Variants in LRRC4C observed in about 807,000 individuals in gnomAD.
LRRC4C encodes leucine-rich repeat-containing protein 4C.
Under a neutral mutation model 33.6 loss-of-function variants are expected in LRRC4C, and 5 were observed. That is an observed-to-expected ratio of 0.15 (90% CI 0.08 to 0.31). LRRC4C has a LOEUF of 0.31. Ranked by LOEUF, LRRC4C falls within the 10% of genes least tolerant of loss-of-function variation. The pLI is 1.00. For synonymous variants in LRRC4C, 329 were observed against 302.0 expected (o/e 1.09, Z -0.93); for missense variants, 560 against 796.7 (o/e 0.70, Z 3.58).
At chr11:40,856,048 C>G (rs1352360637) in intron 2 of LRRC4C, among the ~76,000 whole-genome samples, 2 of 152,004 alleles carry the variant, frequency 1.3e-5, no homozygotes, top group African/African-American at 4.8e-5. Context: ...GTGGTAAATA[C>G]TCCAGTTACA....
In LRRC4C at chr11:41,362,278, C is replaced by T. The variant is rs150643507; in HGVS notation, c.-496+97153G>A. ...TGGGGGACAACAGCATTTTCTCAAT[C>T]TTTGTGCTAAAAGAAAAAAACATTT... On this transcript the variant is annotated intron_variant, in intron 1 of 6. Coordinates refer to ENST00000528697, the MANE Select transcript of LRRC4C (RefSeq NM_001258419.2). Among the ~76,000 whole-genome samples the T allele has an allele frequency of 4.4e-3, 672 of 152,124 alleles. 5 individuals carry two copies. Among genetic ancestry groups the T allele is most frequent in the African/African-American group, 0.015 (639 of 41,502 alleles).
intron 2 of LRRC4C, among the ~76,000 whole-genome samples, chr11:40,854,171 A>T (rs1393606221): frequency 6.6e-6 from 1 of 152,158 alleles, no homozygotes; most frequent in Non-Finnish European, 1.5e-5. Flanking sequence ...TTCTGGATCC[A>T]AGAAGCATAG....
chr11:41,064,935 G>A (rs1479345574), intron 1 of LRRC4C, among the ~76,000 whole-genome samples: 3 of 152,018 alleles, frequency 2.0e-5, no homozygotes, highest in Admixed American at 6.5e-5. Context: ...ATTCCCTTGT[G>A]AGCCTACACC....
At chr11:40,340,724 T>C (rs898451755) in intron 3 of LRRC4C, among the ~76,000 whole-genome samples, 2 of 152,184 alleles carry the variant, frequency 1.3e-5, no homozygotes, top group African/African-American at 4.8e-5. Flanking sequence ...TGTATCATTA[T>C]GTAATATAAT....
At chr11:40,912,896 C>A (rs909487243) in intron 2 of LRRC4C, among the ~76,000 whole-genome samples, 30 of 152,112 alleles carry the variant, frequency 2.0e-4, no homozygotes, top group African/African-American at 7.0e-4. Context: ...GGGTTGCAAT[C>A]CTAGTCTCTG....
intron 3 of LRRC4C, among the ~76,000 whole-genome samples, chr11:40,358,648 G>C (rs1033966781): frequency 1.3e-5 from 2 of 152,070 alleles, no homozygotes; most frequent in African/African-American, 4.8e-5. Context: ...TCACTGCCAT[G>C]GTGCCACAGG....
intron 2 of LRRC4C, among the ~76,000 whole-genome samples, chr11:40,697,200 A>G (rs553193011): frequency 6.6e-6 from 1 of 152,208 alleles, no homozygotes; most frequent in African/African-American, 2.4e-5. Context: ...CCTTTATTCA[A>G]TGAAGATATG....
At chr11:41,213,536 A>G (rs748451455) in intron 1 of LRRC4C, among the ~76,000 whole-genome samples, 5 of 152,202 alleles carry the variant, frequency 3.3e-5, no homozygotes, top group Non-Finnish European at 7.3e-5. Context: ...TCTCTACCAC[A>G]TAGTGAATGG....
chr11:40,720,145 T>A (rs1262234977), intron 2 of LRRC4C, among the ~76,000 whole-genome samples: 2 of 152,174 alleles, frequency 1.3e-5, no homozygotes, highest in Non-Finnish European at 2.9e-5. Flanking sequence ...TTGTCTTTAA[T>A]CCTATTTTCT....
chr11:41,031,851 G>T (rs1473200656), intron 1 of LRRC4C, among the ~76,000 whole-genome samples: 1 of 152,028 alleles, frequency 6.6e-6, no homozygotes, highest in Non-Finnish European at 1.5e-5. Context: ...ATGGAAACAT[G>T]CCAGAGTTCT....
intron 3 of LRRC4C, among the ~76,000 whole-genome samples, chr11:40,559,051 G>A (rs1010579630): frequency 1.3e-5 from 2 of 151,972 alleles, no homozygotes; most frequent in East Asian, 3.9e-4. Flanking sequence ...TCTTTTTTAT[G>A]GCTACATAGT....
chr11:40,989,678 G>C (rs531617686), intron 1 of LRRC4C, among the ~76,000 whole-genome samples: 1 of 151,988 alleles, frequency 6.6e-6, no homozygotes, highest in Non-Finnish European at 1.5e-5. Flanking sequence ...TTTTGTGGGT[G>C]GGGGAGATTT....
At chr11:40,387,107 G>C (rs1349652701) in intron 3 of LRRC4C, among the ~76,000 whole-genome samples, 2 of 152,124 alleles carry the variant, frequency 1.3e-5, no homozygotes, top group Non-Finnish European at 2.9e-5. Flanking sequence ...ATGGAATTGA[G>C]AGTTGGAGAA....
At chr11:40,269,160 G>A (rs897196007) in intron 4 of LRRC4C, among the ~76,000 whole-genome samples, 1 of 152,100 alleles carries the variant, frequency 6.6e-6, no homozygotes, top group African/African-American at 2.4e-5. Context: ...TACTCCTCAT[G>A]CTACAAACGT....
chr11:40,172,216 C>T (rs1257891740), intron 5 of LRRC4C, among the ~76,000 whole-genome samples: 1 of 152,156 alleles, frequency 6.6e-6, no homozygotes, highest in South Asian at 2.1e-4. Flanking sequence ...ACTGTGAGAA[C>T]ATTCTGTTAT....
intron 2 of LRRC4C, among the ~76,000 whole-genome samples, chr11:40,785,760 T>C (rs1950387095): frequency 6.6e-6 from 1 of 152,156 alleles, no homozygotes; most frequent in Non-Finnish European, 1.5e-5. Flanking sequence ...GTCATTTAGG[T>C]TGTACTAGGT....
chr11:41,359,825 AC>A (rs1952287453), intron 1 of LRRC4C, among the ~76,000 whole-genome samples: 1 of 152,140 alleles, frequency 6.6e-6, no homozygotes, highest in African/African-American at 2.4e-5. Context: ...GTGCTTAACC[AC>A]TTAACATGAT....
At chr11:40,578,631 T>C (rs1267759551) in intron 3 of LRRC4C, among the ~76,000 whole-genome samples, 1 of 152,156 alleles carries the variant, frequency 6.6e-6, no homozygotes, top group East Asian at 1.9e-4. Context: ...AGAAATACTA[T>C]TCTATTTGTG....
chr11:41,025,056 C>T (rs1276307593), intron 1 of LRRC4C, among the ~76,000 whole-genome samples: 1 of 151,484 alleles, frequency 6.6e-6, no homozygotes, highest in Non-Finnish European at 1.5e-5. Flanking sequence ...GTTCTCACTG[C>T]TCCACTCACT....
Sources: allele counts gnomAD v4.1 joint callset (sites outside exome capture counted in the v4.1 genomes callset), GRCh38; gene constraint gnomAD v4.1.1; transcripts MANE v1.5; gene names NCBI Gene and HGNC (gene_info 2026-07-23, HGNC 2026-07-21).